The following PAK3 variants were observed in gnomAD, a reference collection of about 807,000 sequenced individuals.
The protein encoded by PAK3 is p21 (RAC1) activated kinase 3.
A neutral mutation model predicts 41.0 loss-of-function variants in PAK3; 4 were observed. The ratio of observed to expected loss-of-function variants is 0.10; its 90% CI spans 0.05 to 0.22. The LOEUF (loss-of-function observed/expected upper bound fraction) is 0.22. Ranked by LOEUF, PAK3 falls within the 10% of genes least tolerant of loss-of-function variation. The probability of loss-of-function intolerance (pLI) is 1.00; values close to 1 mark genes in which losing one functional copy is unlikely to be tolerated. For synonymous variants in PAK3, 146 were observed against 139.6 expected, an observed-to-expected ratio of 1.05 and a Z score of -0.32; for missense variants, 205 against 409.9, an observed-to-expected ratio of 0.50 and a Z score of 4.32.
chrX:111,189,222 G>A (rs937214781), intron 11 of PAK3, among the ~76,000 whole-genome samples: 1 of 111,610 alleles, frequency 9.0e-6, no homozygotes, highest in African/African-American at 3.3e-5. Flanking sequence ...ATGGCCTCCA[G>A]CTCCATCTAT....
intron 1 of PAK3, among the ~76,000 whole-genome samples, chrX:110,954,764 A>T (rs1355790670): frequency 8.9e-6 from 1 of 111,980 alleles, no homozygotes; most frequent in African/African-American, 3.2e-5. Flanking sequence ...ATCTCTAAAT[A>T]TTATCATTGA....
chrX:111,024,251 A>G (rs1173634533), intron 1 of PAK3, among the ~76,000 whole-genome samples: 1 of 111,311 alleles, frequency 9.0e-6, no homozygotes, highest in Non-Finnish European at 1.9e-5. Flanking sequence ...CCATTTGTCT[A>G]TATCTCTGTG....
At chrX:111,147,699 G>A (rs778277496) in intron 6 of PAK3, 38 bp from the exon 7 acceptor site, 3 of 1,020,968 alleles carry the variant, frequency 2.9e-6, no homozygotes, top group African/African-American at 3.7e-5. Flanking sequence ...GCTGCAGAAT[G>A]TTCTGAGCTA....
chrX:110,975,012 T>C, intron 1 of PAK3, among the ~76,000 whole-genome samples: 1 of 112,136 alleles, frequency 8.9e-6, no homozygotes, highest in South Asian at 3.8e-4. Context: ...TCATACTGAA[T>C]GGGCAAAAAC....
intron 1 of PAK3, among the ~76,000 whole-genome samples, chrX:110,988,530 C>G (rs2091587803): frequency 8.9e-6 from 1 of 111,811 alleles, no homozygotes. Flanking sequence ...TTTCATGAGG[C>G]AATACTTACC....
intron 5 of PAK3, among the ~76,000 whole-genome samples, chrX:111,126,419 C>T (rs1233551644): frequency 9.0e-6 from 1 of 110,994 alleles, no homozygotes; most frequent in East Asian, 2.8e-4. Flanking sequence ...GGAACTGACT[C>T]TCATGGGGAA....
chrX:111,092,061 GC>G (rs773589485), upstream of PAK3, among the ~76,000 whole-genome samples: 1 of 111,567 alleles, frequency 9.0e-6, no homozygotes, highest in East Asian at 2.8e-4. Context: ...TGCATTCAGT[GC>G]CTGCCCAGGT....
chrX:110,977,899 T>C (rs761438127), intron 1 of PAK3, among the ~76,000 whole-genome samples: 45 of 112,122 alleles, frequency 4.0e-4, no homozygotes, highest in Non-Finnish European at 7.3e-4. Flanking sequence ...TTCATTTTCT[T>C]GCATAATTGT....
At chrX:111,026,834 A>G (rs1057215219) in intron 1 of PAK3, among the ~76,000 whole-genome samples, 24 of 112,053 alleles carry the variant, frequency 2.1e-4, no homozygotes, top group Non-Finnish European at 4.1e-4. Flanking sequence ...GAAGCAAAAA[A>G]GAGCCCACAT....
At chrX:111,016,847 G>A (rs762822146) in intron 1 of PAK3, among the ~76,000 whole-genome samples, 1 of 110,091 alleles carries the variant, frequency 9.1e-6, no homozygotes, top group Non-Finnish European at 1.9e-5. Flanking sequence ...ATTAGGAGTT[G>A]ATTAAAGCAC....
intron 1 of PAK3, among the ~76,000 whole-genome samples, chrX:111,045,239 T>C (rs1210895502): frequency 8.9e-6 from 1 of 112,454 alleles, no homozygotes. Context: ...AACTTGGATG[T>C]CAATTTGAAC....
chrX:110,997,602 G>A (rs1161307488), intron 1 of PAK3, among the ~76,000 whole-genome samples: 5 of 111,851 alleles, frequency 4.5e-5, no homozygotes, highest in Non-Finnish European at 9.4e-5. Context: ...TATAATAATG[G>A]AGTTGCTATT....
chrX:110,986,759 G>A (rs1034456512), intron 1 of PAK3, among the ~76,000 whole-genome samples: 4 of 99,878 alleles, frequency 4.0e-5, no homozygotes, highest in African/African-American at 1.8e-4. Context: ...GTGTACGCGT[G>A]TGTGTGTGTG....
chrX:111,122,106 A>G (rs2093581961), intron 4 of PAK3, among the ~76,000 whole-genome samples: 2 of 107,644 alleles, frequency 1.9e-5, no homozygotes, highest in South Asian at 8.6e-4. Context: ...TACAAAAAAA[A>G]TTAGCTGGGC....
intron 1 of PAK3, among the ~76,000 whole-genome samples, chrX:110,991,328 G>A (rs1437032701): frequency 9.0e-6 from 1 of 111,606 alleles, no homozygotes; most frequent in South Asian, 3.8e-4. Context: ...TACATGATTA[G>A]TACTCAATAA....
At chrX:111,053,347 C>A (rs1030879683) in intron 1 of PAK3, among the ~76,000 whole-genome samples, 1 of 111,469 alleles carries the variant, frequency 9.0e-6, no homozygotes, top group Non-Finnish European at 1.9e-5. Context: ...GGCTTGATGT[C>A]TTCCAGGACA....
At chrX:111,211,830 C>A (rs756130620) in intron 16 of PAK3, among the ~76,000 whole-genome samples, 14 of 110,427 alleles carry the variant, frequency 1.3e-4, no homozygotes, top group Non-Finnish European at 2.5e-4. Context: ...TGGGGAGTGA[C>A]AAAAAATTTT....
intron 1 of PAK3, among the ~76,000 whole-genome samples, chrX:110,976,877 A>G (rs772601123): frequency 4.8e-5 from 5 of 105,050 alleles, no homozygotes; most frequent in African/African-American, 7.0e-5. Flanking sequence ...CAAACATCAC[A>G]TGTTCTCACT....
At chrX:110,947,868 C>T (rs1340826407) in intron 1 of PAK3, among the ~76,000 whole-genome samples, 1 of 111,575 alleles carries the variant, frequency 9.0e-6, no homozygotes, top group African/African-American at 3.3e-5. Context: ...TCCTTCCCCC[C>T]TCTTTAAAAT....
Sources: allele counts gnomAD v4.1 joint callset (sites outside exome capture counted in the v4.1 genomes callset), GRCh38; gene constraint gnomAD v4.1.1; transcripts MANE v1.5; gene names NCBI Gene and HGNC (gene_info 2026-07-23, HGNC 2026-07-21).